RSRC1: variants seen among roughly 807,000 people sequenced by gnomAD.
RSRC1 encodes serine/Arginine-related protein 53.
Under a neutral mutation model 49.1 loss-of-function variants are expected in RSRC1, and 39 were observed. That is an observed-to-expected ratio of 0.79 (90% CI 0.61 to 1.04). RSRC1 has a LOEUF of 1.04. RSRC1 is among the 50% of genes least tolerant of loss of function. The pLI, the probability that RSRC1 is intolerant of heterozygous loss-of-function variation, is 0.00. For missense variants in RSRC1, 388 were observed against 402.4 expected, an observed-to-expected ratio of 0.96 and a Z score of 0.31; for synonymous variants, 143 against 130.8, an observed-to-expected ratio of 1.09 and a Z score of -0.63.
rs146588212 is a variant in RSRC1, at chr3:158,269,550, A to G, written c.495-28489A>G. ...TTTTTTGGAGTCAGAGTCTTGCTCT[A>G]TCACCAGGCTGAAGTGCAGTGGCAC... On this transcript the variant is annotated intron_variant, in intron 4 of 9. Coordinates refer to ENST00000611884, the MANE Select transcript of RSRC1 (RefSeq NM_001271838.2). Among the ~76,000 whole-genome samples the G allele has an allele frequency of 3.9e-3, 588 of 151,706 alleles. 2 individuals carry two copies. Among genetic ancestry groups the G allele is most frequent in the Non-Finnish European group, 6.6e-3 (447 of 67,946 alleles).
intron 3 of RSRC1, among the ~76,000 whole-genome samples, chr3:158,129,219 A>G (rs1047500414): frequency 2.7e-5 from 4 of 147,918 alleles, no homozygotes; most frequent in African/African-American, 1.0e-4. Context: ...ATTTTTGTGT[A>G]TCATATGAGA....
At chr3:158,336,054 T>C (rs1172858326) in intron 5 of RSRC1, among the ~76,000 whole-genome samples, 1 of 152,218 alleles carries the variant, frequency 6.6e-6, no homozygotes, top group African/African-American at 2.4e-5. Flanking sequence ...AACTGTAAGC[T>C]CTACTGCCCA....
chr3:158,229,300 GTGTA>G (rs1267738906), intron 4 of RSRC1, among the ~76,000 whole-genome samples: 2 of 149,544 alleles, frequency 1.3e-5, no homozygotes, highest in African/African-American at 2.5e-5. Flanking sequence ...ACACGTATAT[GTGTA>G]TGTATGTATA....
chr3:158,267,073 T>G (rs143995403), intron 4 of RSRC1, among the ~76,000 whole-genome samples: 277 of 152,276 alleles, frequency 1.8e-3, no homozygotes, highest in Middle Eastern at 3.4e-3. Context: ...CTATTTCACC[T>G]TCAGTTTTGA....
At chr3:158,229,935 C>G (rs1246082423) in intron 4 of RSRC1, among the ~76,000 whole-genome samples, 1 of 151,994 alleles carries the variant, frequency 6.6e-6, no homozygotes, top group Non-Finnish European at 1.5e-5. Flanking sequence ...ATATGATTTT[C>G]TAAGCCGGAG....
intron 5 of RSRC1, among the ~76,000 whole-genome samples, chr3:158,341,952 C>T (rs543010286): frequency 6.6e-6 from 1 of 152,258 alleles, no homozygotes; most frequent in Admixed American, 6.5e-5. Context: ...GTTTGACTGC[C>T]CCACTGGATT....
chr3:158,544,096 T>A, intron 9 of RSRC1, 87 bp from the exon 10 acceptor site: 1 of 849,162 alleles, frequency 1.2e-6, no homozygotes, highest in South Asian at 1.5e-5. Flanking sequence ...GAGAGATATA[T>A]TCTACAAAGG....
intron 4 of RSRC1, among the ~76,000 whole-genome samples, chr3:158,264,681 G>A (rs1725074559): frequency 6.6e-6 from 1 of 152,182 alleles, no homozygotes; most frequent in African/African-American, 2.4e-5. Flanking sequence ...GTTCTGAGAT[G>A]CAGCTAAGTT....
At chr3:158,199,674 C>G (rs1382272616) in intron 3 of RSRC1, among the ~76,000 whole-genome samples, 1 of 152,148 alleles carries the variant, frequency 6.6e-6, no homozygotes, top group Non-Finnish European at 1.5e-5. Context: ...CTAAACGTTG[C>G]TTTATCTGCA....
At chr3:158,493,493 C>G (rs1482554862) in intron 7 of RSRC1, among the ~76,000 whole-genome samples, 2 of 152,072 alleles carry the variant, frequency 1.3e-5, no homozygotes, top group Non-Finnish European at 2.9e-5. Context: ...TAAAGAAATG[C>G]TCTATACCCG....
intron 3 of RSRC1, among the ~76,000 whole-genome samples, chr3:158,153,362 C>T (rs1451572701): frequency 6.6e-6 from 1 of 152,112 alleles, no homozygotes; most frequent in Non-Finnish European, 1.5e-5. Context: ...TGGTTATTTT[C>T]TGCTTCTTTT....
At chr3:158,326,844 G>A (rs1014621593) in intron 5 of RSRC1, among the ~76,000 whole-genome samples, 1 of 152,174 alleles carries the variant, frequency 6.6e-6, no homozygotes, top group South Asian at 2.1e-4. Context: ...ATTCGGCTGT[G>A]AATCCCTCTG....
chr3:158,226,719 A>G (rs1189325280), intron 4 of RSRC1, among the ~76,000 whole-genome samples: 1 of 151,826 alleles, frequency 6.6e-6, no homozygotes, highest in Non-Finnish European at 1.5e-5. Flanking sequence ...ACAAGTTTTT[A>G]TTGCAAAAAC....
At chr3:158,363,259 CT>C (rs1038572216) in intron 6 of RSRC1, among the ~76,000 whole-genome samples, 1 of 129,108 alleles carries the variant, frequency 7.7e-6, no homozygotes, top group Admixed American at 7.5e-5. Flanking sequence ...TCTCCAGCTA[CT>C]TTTTTTTTCT....
intron 6 of RSRC1, among the ~76,000 whole-genome samples, chr3:158,459,761 A>G (rs1737522137): frequency 6.6e-6 from 1 of 152,008 alleles, no homozygotes; most frequent in Admixed American, 6.6e-5. Context: ...AATGCAGTCT[A>G]AGTATATATA....
chr3:158,333,894 A>G (rs905338228), intron 5 of RSRC1, among the ~76,000 whole-genome samples: 1 of 152,208 alleles, frequency 6.6e-6, no homozygotes, highest in Non-Finnish European at 1.5e-5. Context: ...GAAAAGTAGA[A>G]GTTGAAAGAA....
chr3:158,224,006 A>T (rs1722374495), intron 4 of RSRC1, among the ~76,000 whole-genome samples: 2 of 151,784 alleles, frequency 1.3e-5, no homozygotes, highest in African/African-American at 4.8e-5. Flanking sequence ...CCTTCAGAGT[A>T]CTTATCACAG....
chr3:158,118,277 A>G (rs1447739386), intron 1 of RSRC1, among the ~76,000 whole-genome samples: 2 of 151,882 alleles, frequency 1.3e-5, no homozygotes, highest in East Asian at 3.9e-4. Flanking sequence ...TAGAGACAAC[A>G]TCTTGCTCTG....
intron 6 of RSRC1, among the ~76,000 whole-genome samples, chr3:158,431,869 A>G (rs1424176538): frequency 6.6e-6 from 1 of 152,036 alleles, no homozygotes; most frequent in African/African-American, 2.4e-5. Context: ...CAAAAATAAC[A>G]TCACAAAACA....
Sources: allele counts gnomAD v4.1 joint callset (sites outside exome capture counted in the v4.1 genomes callset), GRCh38; gene constraint gnomAD v4.1.1; transcripts MANE v1.5; gene names NCBI Gene and HGNC (gene_info 2026-07-23, HGNC 2026-07-21).